Variants in AJAP1 observed in about 807,000 individuals in gnomAD.
The protein encoded by AJAP1 is adherens junction-associated protein 1.
In AJAP1, 5 loss-of-function variants were observed where a neutral mutation model predicts 35.0. The observed-to-expected ratio is 0.14, with a 90% CI of 0.07 to 0.30. The LOEUF (loss-of-function observed/expected upper bound fraction) is 0.30. Among genes scored for constraint, AJAP1 ranks in the 10% least tolerant of loss-of-function variants. AJAP1 has a pLI of 1.00. For synonymous variants in AJAP1, 284 were observed against 249.3 expected (o/e 1.14, Z -1.31); for missense variants, 586 against 571.0 (o/e 1.03, Z -0.27).
chr1:4,715,599 C>G (rs1640369596), intron 2 of AJAP1, among the ~76,000 whole-genome samples: 1 of 152,134 alleles, frequency 6.6e-6, no homozygotes, highest in East Asian at 1.9e-4. Context: ...GCAGGAGAAT[C>G]ACTTGAACCT....
rs974799590 is a variant in AJAP1 at position 4,663,111 on chromosome 1, G to T, written c.29+7657G>T. Among the ~76,000 whole-genome samples, 5 of 152,112 alleles carry T rather than the reference G, an allele frequency of 3.3e-5. 1 individual carries two copies. The highest frequency in any genetic ancestry group is 2.6e-4 in the Admixed American group (4 of 15,272). ...TCCTCATGGAGCATCATCTAGTGAG[G>T]GCTGAAGGGCATCATTTTGTTTTTA... On this transcript the variant is annotated intron_variant, in intron 1 of 5. Coordinates refer to ENST00000378191, the MANE Select transcript of AJAP1 (RefSeq NM_018836.4).
intron 1 of AJAP1, among the ~76,000 whole-genome samples, chr1:4,708,804 G>A (rs1266993968): frequency 6.6e-6 from 1 of 151,302 alleles, no homozygotes; most frequent in African/African-American, 2.4e-5. Flanking sequence ...TCCTATGGGA[G>A]GGGCTTTCCC....
At chr1:4,749,394 C>G (rs1641270870) in intron 2 of AJAP1, among the ~76,000 whole-genome samples, 3 of 152,208 alleles carry the variant, frequency 2.0e-5, no homozygotes, top group Admixed American at 2.0e-4. Flanking sequence ...TTCCACTGAC[C>G]CTGTCACCCA....
chr1:4,719,024 C>T (rs889820682), intron 2 of AJAP1, among the ~76,000 whole-genome samples: 6 of 152,172 alleles, frequency 3.9e-5, no homozygotes, highest in African/African-American at 1.4e-4. Context: ...TTCCTTACAT[C>T]ATGAATGTCA....
At position 4,790,865 on chromosome 1, in the gene AJAP1, A is replaced by C. The variant is rs193075018; in HGVS notation, c.*8380A>C. ...TGAAACATTGAGATTTGGCAGAAACATGTGCCTAGTTTGCAGCACCAAATA... is the reference window on the plus strand; with the variant it reads ...TGAAACATTGAGATTTGGCAGAAACCTGTGCCTAGTTTGCAGCACCAAATA... On this transcript the variant is annotated 3_prime_UTR_variant, in exon 6 of 6. Transcript: ENST00000378191. The C allele has an allele frequency of 9.8e-5, 15 of 152,326 alleles. 1 individual carries two copies. The highest frequency in any genetic ancestry group is 9.8e-4 in the Admixed American group (15 of 15,310). 9.4% of individuals were successfully genotyped at this position (152,326 alleles called of 1,614,324 possible).
At chr1:4,774,597 T>C (rs1386308914) in intron 5 of AJAP1, 39 bp downstream of exon 5, 2 of 1,193,810 alleles carry the variant, frequency 1.7e-6, no homozygotes, top group East Asian at 4.7e-5. Context: ...TTTCGTTCCC[T>C]TTCCTCCCCT....
rs1005216509 is a variant in AJAP1 at position 4,723,296 on chromosome 1, G to C, written c.829+10597G>C. Among the ~76,000 whole-genome samples, 1 of 152,188 alleles carries C rather than the reference G, an allele frequency of 6.6e-6. No individual in the cohort carries two copies. Among genetic ancestry groups the C allele is most frequent in the Non-Finnish European group, 1.5e-5 (1 of 68,036 alleles). ...ACCCTGGCGGCCGTCCAAGGGGAGCGCCTGTGGATACTCCTTGGATTCCTG... is the reference window on the plus strand; with the variant it reads ...ACCCTGGCGGCCGTCCAAGGGGAGCCCCTGTGGATACTCCTTGGATTCCTG... On this transcript the variant is annotated intron_variant, in intron 2 of 5. Coordinates refer to ENST00000378191, the MANE Select transcript of AJAP1 (RefSeq NM_018836.4). This position sits in a 1 kb window ranked among gnomAD's most constrained non-coding sequence, Gnocchi z 4.3.
At chr1:4,745,413 G>A (rs952216287) in intron 2 of AJAP1, among the ~76,000 whole-genome samples, 16 of 152,084 alleles carry the variant, frequency 1.1e-4, no homozygotes, top group Admixed American at 9.8e-4. Flanking sequence ...TGGGAGGAAT[G>A]TTGCCCTGCC....
intron 2 of AJAP1, among the ~76,000 whole-genome samples, chr1:4,727,365 C>T (rs1459946927): frequency 6.6e-6 from 1 of 152,222 alleles, no homozygotes; most frequent in East Asian, 1.9e-4. Flanking sequence ...CGTTTGCCTC[C>T]AGCCCTCTCC....
chr1:4,724,270 C>T (rs916482291), intron 2 of AJAP1, among the ~76,000 whole-genome samples: 110 of 152,190 alleles, frequency 7.2e-4, no homozygotes, highest in African/African-American at 2.3e-3. Flanking sequence ...GGCACTTGAG[C>T]GAGGTCTGAC....
At chr1:4,773,375 T>A (rs1411577290) in intron 4 of AJAP1, among the ~76,000 whole-genome samples, 3 of 152,156 alleles carry the variant, frequency 2.0e-5, no homozygotes, top group Non-Finnish European at 2.9e-5. Context: ...TTTGCTGATT[T>A]GTTCAGGGGC....
chr1:4,663,772 C>T (rs574035121), intron 1 of AJAP1, among the ~76,000 whole-genome samples: 4 of 152,184 alleles, frequency 2.6e-5, no homozygotes, highest in South Asian at 4.1e-4. Flanking sequence ...GTTGCTTCTT[C>T]GAGCTCTGTG....
chr1:4,753,659 G>A (rs776178828), intron 2 of AJAP1, among the ~76,000 whole-genome samples: 6 of 152,146 alleles, frequency 3.9e-5, no homozygotes, highest in South Asian at 4.1e-4. Context: ...CGCAACCTCC[G>A]CCTCCTGGGT....
intron 1 of AJAP1, among the ~76,000 whole-genome samples, chr1:4,658,175 C>T (rs1638925075): frequency 3.9e-5 from 6 of 152,198 alleles, no homozygotes; most frequent in Admixed American, 3.9e-4. Flanking sequence ...AATACGTTTG[C>T]TGGGTTGCGC....
At chr1:4,738,866 G>T (rs530588063) in intron 2 of AJAP1, among the ~76,000 whole-genome samples, 1 of 152,300 alleles carries the variant, frequency 6.6e-6, no homozygotes, top group East Asian at 1.9e-4. Context: ...GGCCCCATAG[G>T]AGCAGGAGAA....
intron 2 of AJAP1, among the ~76,000 whole-genome samples, chr1:4,728,486 A>C (rs918410805): frequency 6.6e-6 from 1 of 152,122 alleles, no homozygotes; most frequent in Non-Finnish European, 1.5e-5. Flanking sequence ...TCTGAGTGAC[A>C]CCTGCTCCCA....
intron 4 of AJAP1, among the ~76,000 whole-genome samples, chr1:4,772,760 C>G (rs1306651145): frequency 5.3e-5 from 8 of 152,176 alleles, no homozygotes; most frequent in African/African-American, 1.7e-4. Context: ...CCTTCCAGAC[C>G]CCTGGACGTG....
intron 2 of AJAP1, among the ~76,000 whole-genome samples, chr1:4,758,775 A>C (rs1480682957): frequency 6.6e-6 from 1 of 152,200 alleles, no homozygotes; most frequent in Non-Finnish European, 1.5e-5. Context: ...TGCATACGTC[A>C]GGCTGCTGCT....
At position 4,692,479 on chromosome 1, in the gene AJAP1, C is replaced by A. The variant is rs1308773184; in HGVS notation, c.30-19421C>A. 6.6e-6 allele frequency among the ~76,000 whole-genome samples: 1 copy of A among 152,204 alleles called. No individual in the cohort carries two copies. Among genetic ancestry groups the A allele is most frequent in the Non-Finnish European group, 1.5e-5 (1 of 68,036 alleles). On this transcript the variant is annotated intron_variant, in intron 1 of 5. Coordinates refer to ENST00000378191, the MANE Select transcript of AJAP1 (RefSeq NM_018836.4). The surrounding 1 kb of genome is among the most constrained non-coding windows in gnomAD (Gnocchi z 4.4). ...CTTTGCTGGCTGGGTCCCAAGGAAG[C>A]ACCTGCCCCCAAATTCCCCACCCCA... is the stretch of plus-strand genomic sequence containing the variant.
Sources: gnomAD v4.1 joint callset for allele counts (sites outside exome capture counted in the v4.1 genomes callset) on GRCh38, gnomAD v4.1.1 for gene constraint, Gnocchi (gnomAD v3.1) non-coding constraint, MANE v1.5 for transcripts, NCBI Gene and HGNC (gene_info 2026-07-23, HGNC 2026-07-21) for gene names.